Variants in VIPR2 observed in about 807,000 individuals in gnomAD.
VIPR2 encodes vasoactive intestinal peptide receptor 2, also known as vasoactive intestinal polypeptide receptor 2.
VIPR2 carries 48 observed loss-of-function variants against 58.0 expected under a neutral mutation model. The ratio of observed to expected loss-of-function variants is 0.83; its 90% CI spans 0.66 to 1.05. The LOEUF is 1.05. Ranked by LOEUF, VIPR2 falls within the 50% of genes least tolerant of loss-of-function variation. The pLI, the probability that VIPR2 is intolerant of heterozygous loss-of-function variation, is 0.00. For missense variants in VIPR2, 534 were observed against 558.0 expected (o/e 0.96, Z 0.43); for synonymous variants, 243 against 235.2 (o/e 1.03, Z -0.30).
intron 6 of VIPR2, among the ~76,000 whole-genome samples, chr7:159,042,543 C>T (rs1415148923): frequency 2.6e-5 from 4 of 152,240 alleles, no homozygotes; most frequent in Admixed American, 6.5e-5. Flanking sequence ...AAGAGTTGGA[C>T]GCAGATATTC....
At chr7:159,132,956 AGACAGAATGATTGGCATACCG>A (rs1162333962) in intron 2 of VIPR2, among the ~76,000 whole-genome samples, 1 of 147,942 alleles carries the variant, frequency 6.8e-6, no homozygotes, top group Non-Finnish European at 1.5e-5. Context: ...GATTGATTTC[AGACAGAATGATTGGCATACCG>A]ATTGATTTTA....
At chr7:159,045,807 G>C (rs1157705187) in intron 5 of VIPR2, among the ~76,000 whole-genome samples, 1 of 151,362 alleles carries the variant, frequency 6.6e-6, no homozygotes, top group East Asian at 1.9e-4. Flanking sequence ...CATATTAAAG[G>C]ACATTACTAA....
intron 4 of VIPR2, among the ~76,000 whole-genome samples, chr7:159,090,638 A>T: frequency 3.1e-5 from 2 of 64,838 alleles, no homozygotes; most frequent in Non-Finnish European, 2.9e-5. Flanking sequence ...GCCACCTCTT[A>T]TGACCATCAC....
chr7:159,062,670 G>C (rs1855768119), intron 4 of VIPR2, among the ~76,000 whole-genome samples: 1 of 67,814 alleles, frequency 1.5e-5, no homozygotes, highest in South Asian at 4.8e-4. Context: ...ACAAGCAGCA[G>C]CAAGATTTAC....
At position 159,030,745 on chromosome 7, in the gene VIPR2, G is replaced by A; in HGVS notation, c.1188C>T (p.Thr396=). The change falls in exon 13 of 13, where the codon ACC becomes ACT. Residue 396 remains threonine, a synonymous_variant. Coordinates refer to ENST00000262178, the MANE Select transcript of VIPR2 (RefSeq NM_003382.5). The part of the protein sequence containing the change: ...LKRKWRSRCP[T]PSASRDYRVC... ...CCCTGTAATCCCGGCTCGCGGACGG[G>A]GTCGGGCACCGGCTTCGCCATTTTC... The A allele has an allele frequency of 1.9e-6, 3 of 1,591,356 alleles. No individual in the cohort carries two copies. Among genetic ancestry groups the A allele is most frequent in the South Asian group, 1.1e-5 (1 of 87,678 alleles).
At chr7:159,063,272 AG>A (rs1585394965) in intron 4 of VIPR2, among the ~76,000 whole-genome samples, 2 of 152,060 alleles carry the variant, frequency 1.3e-5, no homozygotes, top group East Asian at 3.9e-4. Context: ...GCAGGTCCCG[AG>A]CCCTGCCCTG....
At chr7:159,104,337 C>T (rs1182363236) in intron 3 of VIPR2, among the ~76,000 whole-genome samples, 2 of 140,106 alleles carry the variant, frequency 1.4e-5, no homozygotes, top group Non-Finnish European at 3.1e-5. Flanking sequence ...TCCTCCCGGC[C>T]AGCACCCTCG....
intron 2 of VIPR2, among the ~76,000 whole-genome samples, chr7:159,135,949 A>T (rs957596239): frequency 1.3e-5 from 2 of 152,204 alleles, no homozygotes; most frequent in African/African-American, 4.8e-5. Flanking sequence ...TGAAGCCTTC[A>T]GGGAATCACA....
chr7:159,052,981 G>C (rs1003808271), intron 5 of VIPR2, among the ~76,000 whole-genome samples: 1 of 152,136 alleles, frequency 6.6e-6, no homozygotes, highest in African/African-American at 2.4e-5. Context: ...AATGTTGTTT[G>C]CTATCACCAC....
chr7:159,041,053 T>C (rs1190989264), intron 6 of VIPR2, among the ~76,000 whole-genome samples: 1 of 152,236 alleles, frequency 6.6e-6, no homozygotes, highest in Admixed American at 6.5e-5. Context: ...GGGCCCCACA[T>C]GCACCTGGGC....
chr7:159,103,735 G>C, intron 4 of VIPR2, 22 bp downstream of exon 4: 1 of 1,598,510 alleles, frequency 6.3e-7, no homozygotes, highest in Admixed American at 1.7e-5. Flanking sequence ...CCTCACCACC[G>C]TAGCACCACG....
rs747914292 is a variant in VIPR2 at position 159,135,004 on chromosome 7, G to GTTTTTTTTTTTTTTTTT, written c.151+7425_151+7441dup. On this transcript the variant is annotated intron_variant, in intron 2 of 12. Coordinates refer to ENST00000262178, the MANE Select transcript of VIPR2 (RefSeq NM_003382.5). ...TATTGGTCTTCTCTTAATTACAAAA[G>GTTTTTTTTTTTTTTTTT]TTTTTTTTTTTTTTTTTTTTTTTTT... Among the ~76,000 whole-genome samples the GTTTTTTTTTTTTTTTTT allele has an allele frequency of 7.0e-4, 46 of 65,966 alleles. 3 individuals carry two copies. Among genetic ancestry groups the GTTTTTTTTTTTTTTTTT allele is most frequent in the African/African-American group, 1.5e-3 (23 of 15,388 alleles). The allele number at this position is 65,966 out of a possible 152,430, so 43.3% of individuals were successfully genotyped here.
intron 4 of VIPR2, among the ~76,000 whole-genome samples, chr7:159,079,957 A>G (rs887186234): frequency 4.6e-5 from 7 of 152,240 alleles, no homozygotes; most frequent in Non-Finnish European, 7.3e-5. Context: ...ACAGGCTCTG[A>G]AATTGAGGGA....
intron 4 of VIPR2, among the ~76,000 whole-genome samples, chr7:159,094,105 C>G (rs991842789): frequency 1.3e-5 from 2 of 152,188 alleles, no homozygotes; most frequent in African/African-American, 4.8e-5. Context: ...AGGGGATGGT[C>G]TCTCACTGCA....
At chr7:159,083,828 C>T (rs544783540) in intron 4 of VIPR2, among the ~76,000 whole-genome samples, 43 of 152,366 alleles carry the variant, frequency 2.8e-4, no homozygotes, top group African/African-American at 1.0e-3. Flanking sequence ...AACTGCAGGC[C>T]TCAGGCAAAC....
chr7:159,120,127 T>C (rs547822223), intron 2 of VIPR2, among the ~76,000 whole-genome samples: 5 of 152,338 alleles, frequency 3.3e-5, no homozygotes, highest in Non-Finnish European at 7.3e-5. Context: ...CTGAGGGTCC[T>C]CGCGGCCCAC....
At chr7:159,058,703 G>A in intron 4 of VIPR2, 125 bp from the exon 5 acceptor site, 1 of 697,970 alleles carries the variant, frequency 1.4e-6, no homozygotes. Flanking sequence ...GAAGGCACGA[G>A]ATAGTCTCGC....
intron 2 of VIPR2, among the ~76,000 whole-genome samples, chr7:159,115,810 C>T (rs371056724): frequency 8.5e-5 from 13 of 152,390 alleles, no homozygotes; most frequent in Admixed American, 3.3e-4. Flanking sequence ...AGCTGCCCCA[C>T]GCCCTCTAGC....
intron 2 of VIPR2, among the ~76,000 whole-genome samples, chr7:159,140,634 C>T (rs1274510940): frequency 2.6e-5 from 4 of 152,356 alleles, no homozygotes; most frequent in African/African-American, 7.2e-5. Context: ...GACACCTTGT[C>T]GCTGCAAGAA....
Sources: gnomAD v4.1 joint callset for allele counts (sites outside exome capture counted in the v4.1 genomes callset) on GRCh38, gnomAD v4.1.1 for gene constraint, MANE v1.5 for transcripts, NCBI Gene and HGNC (gene_info 2026-07-23, HGNC 2026-07-21) for gene names.